Variants in MYOF observed in about 807,000 individuals in gnomAD.
The protein encoded by MYOF is myoferlin, also known as fer-1-like 3, myoferlin.
In MYOF, 244 loss-of-function variants were observed where a neutral mutation model predicts 284.2. The observed-to-expected ratio is 0.86, with a 90% CI of 0.77 to 0.95. The LOEUF is 0.95. MYOF is among the 40% of genes least tolerant of loss of function. The probability of loss-of-function intolerance (pLI) is 0.00; values close to 1 mark genes in which losing one functional copy is unlikely to be tolerated. For synonymous variants in MYOF, 904 were observed against 919.7 expected (o/e 0.98, Z 0.31); for missense variants, 2,496 against 2,560.6 (o/e 0.97, Z 0.54).
intron 38 of MYOF, among the ~76,000 whole-genome samples, chr10:93,342,573 G>A (rs540132268): frequency 6.6e-6 from 1 of 152,326 alleles, no homozygotes; most frequent in African/African-American, 2.4e-5. Flanking sequence ...TTCATAAAGT[G>A]TTGCTACAGT....
chr10:93,339,636 A>T (rs1345834204), intron 39 of MYOF, among the ~76,000 whole-genome samples: 1 of 151,746 alleles, frequency 6.6e-6, no homozygotes, highest in Non-Finnish European at 1.5e-5. Context: ...CGCCTGGTGA[A>T]TGTTTGTATT....
At position 93,459,922 on chromosome 10, in the gene MYOF, G is replaced by T. The variant is rs577586577; in HGVS notation, c.89-2985C>A. Among the ~76,000 whole-genome samples the T allele has an allele frequency of 1.4e-4, 21 of 152,276 alleles. No individual in the cohort carries two copies. In the South Asian group the frequency reaches 3.9e-3, roughly 29 times the overall value. On this transcript the variant is annotated intron_variant, in intron 1 of 53. Coordinates refer to ENST00000359263, the MANE Select transcript of MYOF (RefSeq NM_013451.4). ...CCTGCTCCCATAACCGGGGCTTGGG[G>T]GGGTGGAGAACTGAGTCTCAAAGGA...
chr10:93,314,773 CA>C (rs1428519398), intron 50 of MYOF, among the ~76,000 whole-genome samples: 1 of 152,152 alleles, frequency 6.6e-6, no homozygotes, highest in Non-Finnish European at 1.5e-5. Context: ...GAAGGCCAGG[CA>C]TGGTGGCTCA....
chr10:93,387,952 A>G lies in MYOF; in HGVS notation c.1582-39T>C, dbSNP rs374660549. The G allele has an allele frequency of 9.9e-5, 150 of 1,513,478 alleles. 1 individual carries two copies. In the African/African-American group the frequency reaches 1.9e-3, roughly 19 times the overall value. The allele number at this position is 1,513,478 out of a possible 1,614,324, so 93.8% of individuals were successfully genotyped here. On this transcript the variant is annotated intron_variant, in intron 18 of 53. Transcript: ENST00000359263. Reference sequence around the variant, plus strand: ...ATCCAGGATTATTCCTCTAGGCAGCAACAGCAAAAAGAATTCTGTGTCTCT... The same window carrying G: ...ATCCAGGATTATTCCTCTAGGCAGCGACAGCAAAAAGAATTCTGTGTCTCT...
chr10:93,431,943 G>A (rs552305914), intron 3 of MYOF, among the ~76,000 whole-genome samples: 29 of 152,002 alleles, frequency 1.9e-4, no homozygotes, highest in Admixed American at 1.2e-3. Context: ...ATGGGGTTTC[G>A]CCATGTTGGC....
chr10:93,378,693 G>GTGTGTGTGTATATATATA lies in MYOF; in HGVS notation c.2001+1169_2001+1170insTATATATATACACACACA. Among the ~76,000 whole-genome samples the GTGTGTGTGTATATATATA allele has an allele frequency of 2.3e-3, 204 of 87,844 alleles. 2 individuals are homozygous for GTGTGTGTGTATATATATA. The highest frequency in any genetic ancestry group is 7.4e-3 in the African/African-American group (154 of 20,774). 57.6% of individuals were successfully genotyped at this position (87,844 alleles called of 152,430 possible). ...TATGTGTGTGTGTATGTGTGTGTGTGTATATATATATATATATATATATGT... is the reference window on the plus strand; with the variant it reads ...TATGTGTGTGTGTATGTGTGTGTGTGTGTGTGTGTATATATATATATATATATATATATATATATATGT... On this transcript the variant is annotated intron_variant, in intron 21 of 53. Transcript: ENST00000359263.
intron 1 of MYOF, among the ~76,000 whole-genome samples, chr10:93,480,467 CTTTTTTTT>C (rs34363499): frequency 4.2e-5 from 3 of 71,766 alleles, no homozygotes; most frequent in African/African-American, 1.2e-4. Context: ...AATTTGCCAG[CTTTTTTTT>C]TTTTTTTTTT....
At chr10:93,458,464 G>A (rs555225066) in intron 1 of MYOF, among the ~76,000 whole-genome samples, 7 of 152,134 alleles carry the variant, frequency 4.6e-5, no homozygotes, top group Non-Finnish European at 8.8e-5. Context: ...GGCTGGGTGC[G>A]GTGGCTGACA....
intron 20 of MYOF, among the ~76,000 whole-genome samples, chr10:93,380,198 C>A (rs1846048892): frequency 6.6e-6 from 1 of 152,086 alleles, no homozygotes; most frequent in African/African-American, 2.4e-5. Context: ...TCTGAGACAC[C>A]CTAGTAAACT....
At chr10:93,343,714 TC>T in intron 38 of MYOF, 141 bp downstream of exon 38, 1 of 798,784 alleles carries the variant, frequency 1.3e-6, no homozygotes, top group East Asian at 2.6e-5. Flanking sequence ...TAGACTCTTG[TC>T]TGTACTCAGT....
chr10:93,475,867 C>G (rs1011588469), intron 1 of MYOF, among the ~76,000 whole-genome samples: 2 of 152,074 alleles, frequency 1.3e-5, no homozygotes, highest in African/African-American at 4.8e-5. Context: ...TTTTAAGGGC[C>G]ATTGTAGCTT....
At position 93,363,969 on chromosome 10, in the gene MYOF, TGTAGGTGTCCTCG is replaced by T; in HGVS notation, c.2847_2859del (p.Glu950ArgfsTer14). The T allele has an allele frequency of 6.2e-7, 1 of 1,614,080 alleles. No homozygotes were observed. The highest frequency in any genetic ancestry group is 8.5e-7 in the Non-Finnish European group (1 of 1,179,980). On this transcript the variant is annotated frameshift_variant, in exon 27 of 54. Coordinates refer to ENST00000359263, the MANE Select transcript of MYOF (RefSeq NM_013451.4). LOFTEE classifies it high-confidence loss of function. ...CGGAGCAGGCCACTCACCGCATCCG[TGTAGGTGTCCTCG>T]GCCGGCTTCCAGTCGCCCCCGGGGT... is the stretch of plus-strand genomic sequence containing the variant.
chr10:93,380,014 A>T (rs765709910), intron 20 of MYOF, 27 bp from the exon 21 acceptor site: 6 of 1,603,764 alleles, frequency 3.7e-6, no homozygotes, highest in Non-Finnish European at 5.1e-6. Flanking sequence ...GGGGTCAATG[A>T]ACACTGAACA....
rs2298154 is a variant in MYOF, at chr10:93,381,234, G to A, written c.1861C>T (p.Arg621Cys). 2.5e-5 allele frequency: 41 copies of A among 1,614,038 alleles called. No individual in the cohort carries two copies. The East Asian group carries it at 5.1e-4, about 20-fold the overall frequency. ...CCAATCTTACCATCAAATACAGCAC[G>A]GCTGTACTGAGTTGTTGATGCCAAA... ...KPLASTTQYS[R>C]AVFDGNYYYY... Residue 621 changes from arginine (R) to cysteine (C), a missense_variant, in exon 20 of 54, where the codon CGT (arginine) becomes TGT (cysteine). By Grantham distance (180) the Arg-to-Cys change is radical. Around this residue, in one of 3 missense-constraint regions of MYOF, gnomAD observed 2,436 missense variants for 2,480.7 expected, o/e 0.98. Transcript: ENST00000359263.
intron 5 of MYOF, among the ~76,000 whole-genome samples, chr10:93,415,962 C>A (rs1197564487): frequency 6.6e-6 from 1 of 152,208 alleles, no homozygotes; most frequent in Non-Finnish European, 1.5e-5. Flanking sequence ...TTTTTACTCA[C>A]ATTCTTCACT....
chr10:93,328,570 A>T (rs898378562), intron 45 of MYOF, among the ~76,000 whole-genome samples, 193 bp downstream of exon 45: 1 of 152,262 alleles, frequency 6.6e-6, no homozygotes, highest in African/African-American at 2.4e-5. Context: ...GTGAAACAGC[A>T]GACAAGAAAA....
In MYOF at chr10:93,381,233, C is replaced by G; in HGVS notation, c.1862G>C (p.Arg621Pro). ...GCCAATCTTACCATCAAATACAGCA[C>G]GGCTGTACTGAGTTGTTGATGCCAA... is the stretch of plus-strand genomic sequence containing the variant. ...KPLASTTQYS[R>P]AVFDGNYYYY... Residue 621 changes from arginine to proline, a missense_variant, in exon 20 of 54, where the codon CGT becomes CCT. Physicochemically the swap from Arg to Pro is moderately radical, Grantham distance 103 (BLOSUM62 -2). This residue lies in a region of MYOF where 2,436 missense variants were observed against 2,480.7 expected (regional missense o/e 0.98). Coordinates refer to ENST00000359263, the MANE Select transcript of MYOF (RefSeq NM_013451.4). The G allele has an allele frequency of 6.2e-7, 1 of 1,614,172 alleles. No homozygotes were observed. Among genetic ancestry groups the G allele is most frequent in the Non-Finnish European group, 8.5e-7 (1 of 1,180,032 alleles).
At chr10:93,380,386 A>G (rs758131886) in intron 20 of MYOF, among the ~76,000 whole-genome samples, 2 of 152,228 alleles carry the variant, frequency 1.3e-5, no homozygotes, top group Non-Finnish European at 2.9e-5. Context: ...GCAAAAGAAA[A>G]GAATTTTCTG....
At position 93,478,825 on chromosome 10, in the gene MYOF, C is replaced by CA. The variant is rs796689657; in HGVS notation, c.88+3281dup. Among the ~76,000 whole-genome samples the CA allele has an allele frequency of 7.2e-3, 749 of 103,574 alleles. 12 individuals are homozygous for CA. Among genetic ancestry groups the CA allele is most frequent in the African/African-American group, 7.9e-3 (200 of 25,466 alleles). The allele number at this position is 103,574 out of a possible 152,430, so 67.9% of individuals were successfully genotyped here. ...CCTGGATGGCAGGGTGAAACAGTCT[C>CA]AAAAAAAAAAAAAAAAAAGAAAGAA... is the stretch of plus-strand genomic sequence containing the variant. On this transcript the variant is annotated intron_variant, in intron 1 of 53. Coordinates refer to ENST00000359263, the MANE Select transcript of MYOF (RefSeq NM_013451.4).
Sources: gnomAD v4.1 joint callset for allele counts (sites outside exome capture counted in the v4.1 genomes callset) on GRCh38, gnomAD v4.1.1 for gene constraint, gnomAD v4.1.1 regional missense constraint, MANE v1.5 for transcripts, NCBI Gene and HGNC (gene_info 2026-07-23, HGNC 2026-07-21) for gene names.